IMMP2L: variants seen among roughly 807,000 people sequenced by gnomAD.
IMMP2L encodes the protein inner mitochondrial membrane peptidase subunit 2, also known as mitochondrial inner membrane protease subunit 2.
Under a neutral mutation model 19.3 loss-of-function variants are expected in IMMP2L, and 18 were observed. That is an observed-to-expected ratio of 0.93 (90% confidence interval 0.64 to 1.38). IMMP2L has a LOEUF of 1.38. Among genes scored for constraint, IMMP2L ranks in the 40% most tolerant of loss-of-function variants. IMMP2L has a pLI of 0.00. For synonymous variants in IMMP2L, 76 were observed against 73.0 expected (o/e 1.04, Z -0.21); for missense variants, 233 against 218.2 (o/e 1.07, Z -0.43).
chr7:111,342,389 C>T (rs1044995946), intron 3 of IMMP2L, among the ~76,000 whole-genome samples: 3 of 152,056 alleles, frequency 2.0e-5, no homozygotes, highest in African/African-American at 7.2e-5. Flanking sequence ...GTCAGGAGAT[C>T]GAGACCATCC....
At chr7:110,916,385 C>T (rs1472395797) in intron 4 of IMMP2L, among the ~76,000 whole-genome samples, 1 of 152,134 alleles carries the variant, frequency 6.6e-6, no homozygotes, top group Non-Finnish European at 1.5e-5. Context: ...AGAGAAAATG[C>T]ATCTGGTGTT....
At chr7:111,516,637 T>C (rs1311416272) in intron 2 of IMMP2L, among the ~76,000 whole-genome samples, 1 of 152,040 alleles carries the variant, frequency 6.6e-6, no homozygotes, top group African/African-American at 2.4e-5. Flanking sequence ...AAAGGGACAT[T>C]ACAAATTTAT....
In IMMP2L at chr7:110,805,045, T is replaced by C. The variant is rs573200474; in HGVS notation, c.408+81548A>G. ...ACGATACTGAACTGCCTGGAAAAAA[T>C]TGACTTTAATATTACCATAGATGCT... is the stretch of plus-strand genomic sequence containing the variant. On this transcript the variant is annotated intron_variant, in intron 5 of 5. Transcript: ENST00000405709. Among the ~76,000 whole-genome samples, 20 of 152,178 alleles carry C rather than the reference T, an allele frequency of 1.3e-4. No homozygotes were observed. In the South Asian group the frequency reaches 1.5e-3, roughly 11 times the overall value.
chr7:110,757,626 C>G lies in IMMP2L; in HGVS notation c.409-93905G>C, dbSNP rs547581796. Reference sequence around the variant, plus strand: ...GGCCTGTCTACCCATATCTCATATACCGGGTTCTATAAGTGCTCCCAGCCC... The same window carrying G: ...GGCCTGTCTACCCATATCTCATATAGCGGGTTCTATAAGTGCTCCCAGCCC... On this transcript the variant is annotated intron_variant, in intron 5 of 5. Coordinates refer to ENST00000405709, the MANE Select transcript of IMMP2L (RefSeq NM_032549.4). This position sits in a 1 kb window ranked among gnomAD's most constrained non-coding sequence, Gnocchi z 4.2. Among the ~76,000 whole-genome samples the G allele has an allele frequency of 4.6e-5, 7 of 152,108 alleles. No homozygotes were observed. The highest frequency in any genetic ancestry group is 1.0e-4 in the Non-Finnish European group (7 of 68,026).
intron 5 of IMMP2L, among the ~76,000 whole-genome samples, chr7:110,816,896 C>G (rs975001799): frequency 1.3e-5 from 2 of 152,130 alleles, no homozygotes; most frequent in African/African-American, 4.8e-5. Flanking sequence ...ATATACGACA[C>G]TGATGGGTCT....
At chr7:110,745,149 T>G (rs1334364190) in intron 5 of IMMP2L, among the ~76,000 whole-genome samples, 1 of 152,006 alleles carries the variant, frequency 6.6e-6, no homozygotes, top group Non-Finnish European at 1.5e-5. Flanking sequence ...AGAAAGGATA[T>G]CAGAGACAGA....
rs1806761079 is a variant in IMMP2L at position 111,174,074 on chromosome 7, A to G, written c.240-210509T>C. ...ATTTTCACTACCTGCCCCATATCAT[A>G]AAGAAAAATTATACACATACACATA... On this transcript the variant is annotated intron_variant, in intron 3 of 5. Transcript: ENST00000405709. Among the ~76,000 whole-genome samples the G allele has an allele frequency of 2.0e-5, 3 of 151,858 alleles. No homozygotes were observed. In the South Asian group the frequency reaches 6.2e-4, roughly 32 times the overall value.
chr7:111,191,461 CACACACACACACAA>C (rs1468040004), intron 3 of IMMP2L, among the ~76,000 whole-genome samples: 2 of 151,044 alleles, frequency 1.3e-5, no homozygotes, highest in African/African-American at 4.9e-5. Context: ...CACACACACA[CACACACACACACAA>C]AACTTATATG....
chr7:111,204,859 G>A (rs1179332784), intron 3 of IMMP2L, among the ~76,000 whole-genome samples: 2 of 152,198 alleles, frequency 1.3e-5, no homozygotes, highest in East Asian at 3.8e-4. Flanking sequence ...ATTGTTGGGA[G>A]TATATTGGGA....
chr7:111,148,730 A>T (rs553056113), intron 3 of IMMP2L, among the ~76,000 whole-genome samples: 1 of 151,934 alleles, frequency 6.6e-6, no homozygotes, highest in African/African-American at 2.4e-5. Flanking sequence ...ACAATTGCAA[A>T]CAGTGGATGA....
chr7:111,090,761 T>G (rs1485020428), intron 3 of IMMP2L, among the ~76,000 whole-genome samples: 1 of 152,068 alleles, frequency 6.6e-6, no homozygotes, highest in Non-Finnish European at 1.5e-5. Flanking sequence ...GAGTTGGAGG[T>G]TTGAGTCTCT....
intron 3 of IMMP2L, among the ~76,000 whole-genome samples, chr7:111,454,082 T>A (rs930657704): frequency 6.6e-6 from 1 of 152,182 alleles, no homozygotes; most frequent in African/African-American, 2.4e-5. Context: ...GACAACTTTC[T>A]AACAGTGAAT....
chr7:111,425,855 C>T (rs189789727), intron 3 of IMMP2L, among the ~76,000 whole-genome samples: 2 of 151,074 alleles, frequency 1.3e-5, no homozygotes, highest in East Asian at 1.9e-4. Context: ...AATTAAGACT[C>T]GATAAAAATC....
intron 3 of IMMP2L, among the ~76,000 whole-genome samples, chr7:111,243,463 G>C (rs1257599142): frequency 2.7e-5 from 4 of 150,452 alleles, no homozygotes; most frequent in Non-Finnish European, 5.9e-5. Flanking sequence ...AATTTTAAAA[G>C]TTATATGCTT....
chr7:111,263,766 G>C (rs1817561374), intron 3 of IMMP2L, among the ~76,000 whole-genome samples: 1 of 152,128 alleles, frequency 6.6e-6, no homozygotes, highest in Admixed American at 6.6e-5. Flanking sequence ...AAAGATGACT[G>C]AGTAGCGACT....
chr7:111,058,364 G>T (rs2129574197), intron 3 of IMMP2L, among the ~76,000 whole-genome samples: 1 of 152,090 alleles, frequency 6.6e-6, no homozygotes, highest in Non-Finnish European at 1.5e-5. Context: ...AAATGTCTTG[G>T]CTAGCTTGTT....
chr7:110,945,537 C>T (rs1343069200), intron 4 of IMMP2L, among the ~76,000 whole-genome samples: 1 of 151,918 alleles, frequency 6.6e-6, no homozygotes, highest in Non-Finnish European at 1.5e-5. Flanking sequence ...ATGGGATCCA[C>T]CCCTGTACCC....
chr7:111,359,272 A>G (rs1438640797), intron 3 of IMMP2L, among the ~76,000 whole-genome samples: 1 of 151,994 alleles, frequency 6.6e-6, no homozygotes, highest in Non-Finnish European at 1.5e-5. Flanking sequence ...CATCCATGTG[A>G]GGTGGCCTCC....
At chr7:110,936,864 C>G (rs1161977652) in intron 4 of IMMP2L, among the ~76,000 whole-genome samples, 1 of 152,148 alleles carries the variant, frequency 6.6e-6, no homozygotes, top group Non-Finnish European at 1.5e-5. Flanking sequence ...GAATACTATG[C>G]AGCCATGAAA....
Sources: allele counts gnomAD v4.1 joint callset (sites outside exome capture counted in the v4.1 genomes callset), GRCh38; gene constraint gnomAD v4.1.1; non-coding constraint Gnocchi (gnomAD v3.1); transcripts MANE v1.5; gene names NCBI Gene and HGNC (gene_info 2026-07-23, HGNC 2026-07-21).